Variants in MCPH1 observed in about 807,000 individuals in gnomAD.
The protein encoded by MCPH1 is microcephalin 1, also known as microcephalin.
MCPH1 carries 104 observed loss-of-function variants against 84.5 expected under a neutral mutation model. That is an observed-to-expected ratio of 1.23 (90% CI 1.05 to 1.45). The LOEUF (loss-of-function observed/expected upper bound fraction) is 1.45. Ranked by LOEUF, MCPH1 falls within the 40% of genes most tolerant of loss-of-function variation. The pLI is 0.00. For synonymous variants in MCPH1, 514 were observed against 366.8 expected (o/e 1.40, Z -4.58); for missense variants, 1,498 against 1,005.7 (o/e 1.49, Z -6.62).
Position 6,648,307 on chromosome 8 carries a change from A to G in MCPH1, c.*5258A>G, listed in dbSNP as rs1331236853. On this transcript the variant is annotated 3_prime_UTR_variant, in exon 14 of 14. Coordinates refer to ENST00000344683, the MANE Select transcript of MCPH1 (RefSeq NM_024596.5). ...CCTGAGCCTGCTTCTACCCACTTTT[A>G]TTTTTCCCAGGAGTCACGCTTAGTC... is the stretch of plus-strand genomic sequence containing the variant. 6.6e-6 allele frequency: 1 copy of G among 152,246 alleles called. No homozygotes were observed. The highest frequency in any genetic ancestry group is 3.4e-3 in the Middle Eastern group (1 of 296). The allele number at this position is 152,246 out of a possible 1,614,324, so 9.4% of individuals were successfully genotyped here. A position where few individuals can be genotyped will look rare whatever the true frequency, so the allele number is the denominator to read the frequency against.
chr8:6,518,175 G>C (rs898753010), intron 12 of MCPH1, among the ~76,000 whole-genome samples: 1 of 152,142 alleles, frequency 6.6e-6, no homozygotes, highest in Admixed American at 6.5e-5. Context: ...ATGGTTAGCG[G>C]CTGTCCCTCT....
At chr8:6,432,880 A>C (rs1802043012) in intron 4 of MCPH1, among the ~76,000 whole-genome samples, 1 of 152,258 alleles carries the variant, frequency 6.6e-6, no homozygotes, top group African/African-American at 2.4e-5. Flanking sequence ...TCAGTAGTAC[A>C]TACATATTTT....
At chr8:6,468,416 C>G (rs899215097) in intron 9 of MCPH1, among the ~76,000 whole-genome samples, 1 of 152,158 alleles carries the variant, frequency 6.6e-6, no homozygotes, top group Non-Finnish European at 1.5e-5. Context: ...CTGGCCAGCC[C>G]CTCTTCTTGG....
intron 3 of MCPH1, among the ~76,000 whole-genome samples, chr8:6,429,860 C>T (rs1801588755): frequency 6.6e-6 from 1 of 152,182 alleles, no homozygotes; most frequent in African/African-American, 2.4e-5. Flanking sequence ...CGACCCCTCC[C>T]TCACACCTGT....
chr8:6,511,086 A>T (rs913610318), intron 12 of MCPH1, among the ~76,000 whole-genome samples: 2 of 152,314 alleles, frequency 1.3e-5, no homozygotes, highest in Admixed American at 6.5e-5. Flanking sequence ...TCCTTTGAAC[A>T]TGTTTAGTTC....
intron 12 of MCPH1, chr8:6,509,164 C>G: frequency 6.8e-7 from 1 of 1,462,238 alleles, no homozygotes; most frequent in Non-Finnish European, 9.2e-7. Context: ...GAAGCGTGTT[C>G]TGTACTCGTT....
intron 13 of MCPH1, chr8:6,625,970 G>C: frequency 8.1e-6 from 8 of 985,166 alleles, no homozygotes; most frequent in Non-Finnish European, 9.6e-6. Context: ...TCTGTGGCCA[G>C]AGGAGGGAAA....
chr8:6,462,833 C>A (rs1189535882), intron 9 of MCPH1, among the ~76,000 whole-genome samples: 2 of 152,158 alleles, frequency 1.3e-5, no homozygotes, highest in African/African-American at 4.8e-5. Flanking sequence ...TAGAAGTGCT[C>A]AAAAAATGTT....
chr8:6,511,285 G>T (rs981762121), intron 12 of MCPH1, among the ~76,000 whole-genome samples: 1 of 133,192 alleles, frequency 7.5e-6, no homozygotes, highest in Non-Finnish European at 1.7e-5. Context: ...ATTGGTATGG[G>T]TTGATTTTTT....
At chr8:6,541,806 C>T (rs1821628106) in intron 12 of MCPH1, among the ~76,000 whole-genome samples, 1 of 152,078 alleles carries the variant, frequency 6.6e-6, no homozygotes, top group African/African-American at 2.4e-5. Flanking sequence ...CAGTTCAAGA[C>T]CAGCCTAGGC....
At position 6,414,895 on chromosome 8, in the gene MCPH1, C is replaced by A. The variant is rs753706147; in HGVS notation, c.233+12C>A. The A allele has an allele frequency of 6.2e-7, 1 of 1,612,600 alleles. No individual in the cohort carries two copies. The highest frequency in any genetic ancestry group is 8.5e-7 in the Non-Finnish European group (1 of 1,179,200). On this transcript the variant is annotated intron_variant, in intron 3 of 13. Coordinates refer to ENST00000344683, the MANE Select transcript of MCPH1 (RefSeq NM_024596.5). ...CTCTGGGTGGAAAAGTAAGCAGTTT[C>A]TCTCTTACTTTTTTTCCTTAAGTAT...
At chr8:6,461,922 G>T (rs1304412678) in intron 9 of MCPH1, among the ~76,000 whole-genome samples, 1 of 152,028 alleles carries the variant, frequency 6.6e-6, no homozygotes, top group African/African-American at 2.4e-5. Flanking sequence ...TCTGGATTTG[G>T]TTTTTCAAAA....
intron 11 of MCPH1, among the ~76,000 whole-genome samples, chr8:6,484,742 G>GC (rs1809653556): frequency 6.6e-6 from 1 of 152,250 alleles, no homozygotes; most frequent in Admixed American, 6.5e-5. Context: ...GGGGCATCAT[G>GC]CCAAGTTGAA....
At chr8:6,407,107 C>T (rs1030673513) in intron 1 of MCPH1, 2 of 294,646 alleles carry the variant, frequency 6.8e-6, no homozygotes, top group African/African-American at 2.3e-5. Context: ...CTGCCTTAGT[C>T]CCTGGATCTG....
chr8:6,514,693 C>T, intron 12 of MCPH1: 1 of 1,613,954 alleles, frequency 6.2e-7, no homozygotes, highest in Non-Finnish European at 8.5e-7. Flanking sequence ...ATATTCTTTC[C>T]AAGTCCTCTG....
chr8:6,625,860 G>T (rs1832021880), intron 13 of MCPH1: 1 of 985,304 alleles, frequency 1.0e-6, no homozygotes. Flanking sequence ...TTTTGCAGAT[G>T]TCGTAAACTC....
chr8:6,557,872 A>G (rs1391573240), intron 12 of MCPH1, among the ~76,000 whole-genome samples: 5 of 152,152 alleles, frequency 3.3e-5, no homozygotes, highest in Admixed American at 6.5e-5. Flanking sequence ...GGAAATCCAC[A>G]AAGCTGACCA....
chr8:6,429,071 A>G (rs574429171), intron 3 of MCPH1, among the ~76,000 whole-genome samples: 2 of 152,336 alleles, frequency 1.3e-5, no homozygotes, highest in Non-Finnish European at 2.9e-5. Context: ...GGACACATTC[A>G]TGTGCAGGCT....
intron 12 of MCPH1, among the ~76,000 whole-genome samples, chr8:6,510,756 T>G (rs1461394945): frequency 6.6e-6 from 1 of 152,176 alleles, no homozygotes; most frequent in Non-Finnish European, 1.5e-5. Flanking sequence ...GAAGAAGTTG[T>G]GAAAAGATGA....
Sources: gnomAD v4.1 joint callset for allele counts (sites outside exome capture counted in the v4.1 genomes callset) on GRCh38, gnomAD v4.1.1 for gene constraint, MANE v1.5 for transcripts, NCBI Gene and HGNC (gene_info 2026-07-23, HGNC 2026-07-21) for gene names.